Variants in BTAF1 observed in about 807,000 individuals in gnomAD.
BTAF1 encodes B-TFIID TATA-box binding protein associated factor 1, also known as TATA-binding protein-associated factor 172.
BTAF1 carries 38 observed loss-of-function variants against 227.1 expected under a neutral mutation model. The observed-to-expected ratio is 0.17, with a 90% CI of 0.13 to 0.22. The LOEUF is 0.22. Among genes scored for constraint, BTAF1 ranks in the 10% least tolerant of loss-of-function variants. The pLI is 1.00. For missense variants in BTAF1, 1,598 were observed against 2,204.0 expected (o/e 0.73, Z 5.51); for synonymous variants, 742 against 751.9 (o/e 0.99, Z 0.21).
At chr10:92,017,970 G>A (rs965037489) in intron 33 of BTAF1, among the ~76,000 whole-genome samples, 8 of 152,154 alleles carry the variant, frequency 5.3e-5, no homozygotes, top group Admixed American at 2.6e-4. Context: ...ACCATATAAG[G>A]TTCTGTTTCA....
intron 25 of BTAF1, among the ~76,000 whole-genome samples, chr10:92,007,747 A>C (rs1850026182): frequency 6.6e-6 from 1 of 152,384 alleles, no homozygotes; most frequent in East Asian, 1.9e-4. Flanking sequence ...AAGGTCTTAG[A>C]GATCCATAGG....
rs1345316987 is a variant in BTAF1 at position 91,928,716 on chromosome 10, A to T, written c.14+4626A>T. Among the ~76,000 whole-genome samples, 9 of 150,496 alleles carry T rather than the reference A, an allele frequency of 6.0e-5. No individual in the cohort carries two copies. The East Asian group carries it at 9.9e-4, about 16-fold the overall frequency. On this transcript the variant is annotated intron_variant, in intron 1 of 37. Transcript: ENST00000265990. ...ACCAACGGTAAAAGCAACCTTTGCG[A>T]TCGCAGCACTGCACTCCAGCCTGGG...
At chr10:92,013,855 A>T in intron 31 of BTAF1, 44 bp from the exon 32 acceptor site, 2 of 1,612,794 alleles carry the variant, frequency 1.2e-6, no homozygotes, top group African/African-American at 2.7e-5. Flanking sequence ...AATATAATTT[A>T]TTCTTAACTT....
At chr10:91,977,195 T>A (rs1398297696) in intron 14 of BTAF1, among the ~76,000 whole-genome samples, 1 of 152,180 alleles carries the variant, frequency 6.6e-6, no homozygotes, top group Non-Finnish European at 1.5e-5. Context: ...AACCTTCATT[T>A]TCAGGTACAG....
intron 19 of BTAF1, among the ~76,000 whole-genome samples, chr10:91,986,769 C>CTTATTA: frequency 6.6e-6 from 1 of 152,028 alleles, no homozygotes; most frequent in Non-Finnish European, 1.5e-5. Context: ...TTATTCAGAT[C>CTTATTA]TTTTACTCTT....
rs746941577 is a variant in BTAF1 at position 91,982,244 on chromosome 10, T to C, written c.2048+19T>C. On this transcript the variant is annotated intron_variant, in intron 17 of 37. Transcript: ENST00000265990. The stretch of plus-strand genomic sequence containing the variant: ...CAGCCAAGTGAGTGTACATTAAGTG[T>C]CAGGTAGTCATACATTTACAAGTCT... 9 of 1,613,654 alleles carry C rather than the reference T, an allele frequency of 5.6e-6. No homozygotes were observed. Among genetic ancestry groups the C allele is most frequent in the Non-Finnish European group, 7.6e-6 (9 of 1,179,782 alleles).
At chr10:91,977,427 T>A (rs1847774191) in intron 14 of BTAF1, among the ~76,000 whole-genome samples, 1 of 152,200 alleles carries the variant, frequency 6.6e-6, no homozygotes, top group Admixed American at 6.5e-5. Flanking sequence ...ATAGTTCATT[T>A]TCTTTTTAGT....
chr10:92,009,405 A>G (rs181331426), intron 28 of BTAF1, among the ~76,000 whole-genome samples, 197 bp downstream of exon 28: 1 of 152,362 alleles, frequency 6.6e-6, no homozygotes, highest in East Asian at 1.9e-4. Flanking sequence ...TAACCATTGT[A>G]CAATAAGTTG....
At chr10:91,975,601 A>G (rs928366552) in intron 14 of BTAF1, among the ~76,000 whole-genome samples, 1 of 152,248 alleles carries the variant, frequency 6.6e-6, no homozygotes, top group South Asian at 2.1e-4. Flanking sequence ...AGTGTGATTC[A>G]TCACCAACTT....
intron 1 of BTAF1, among the ~76,000 whole-genome samples, chr10:91,927,769 A>G (rs867316565): frequency 3.3e-5 from 5 of 152,226 alleles, no homozygotes; most frequent in African/African-American, 9.6e-5. Context: ...AGCCTGTAAC[A>G]TATACTAATT....
chr10:91,937,326 A>T (rs1184810164), intron 2 of BTAF1, among the ~76,000 whole-genome samples: 1 of 152,096 alleles, frequency 6.6e-6, no homozygotes, highest in African/African-American at 2.4e-5. Flanking sequence ...ATTAAAATAT[A>T]ATTTACATAC....
chr10:92,024,680 A>G (rs903028928), intron 34 of BTAF1, 76 bp from the exon 35 acceptor site: 20 of 1,236,746 alleles, frequency 1.6e-5, no homozygotes, highest in Non-Finnish European at 2.1e-5. Flanking sequence ...CTTGCCACAG[A>G]GAGGAATGTC....
In BTAF1 at chr10:91,940,033, C is replaced by G. The variant is rs775606231; in HGVS notation, c.220C>G (p.Pro74Ala). The G allele has an allele frequency of 8.7e-6, 14 of 1,612,208 alleles. No individual in the cohort carries two copies. The highest frequency in any genetic ancestry group is 5.1e-6 in the Non-Finnish European group (6 of 1,178,842). ...TGTTGAAGCTATAGTGAAAAATGTA[C>G]CTGAGTGGAATCCAGTGCCGAGAAC... ...QAVEAIVKNV[P>A]EWNPVPRTRQ... Residue 74 changes from proline to alanine, a missense_variant, in exon 3 of 38, where the codon CCT becomes GCT. This residue lies in a region of BTAF1 where 298 missense variants were observed against 395.2 expected (regional missense o/e 0.75). Transcript: ENST00000265990.
chr10:91,936,378 A>C (rs1844611342), intron 2 of BTAF1, among the ~76,000 whole-genome samples: 1 of 100,282 alleles, frequency 1.0e-5, no homozygotes, highest in African/African-American at 5.5e-5. Flanking sequence ...GGAGGAGGGG[A>C]GTTGGGGAGG....
chr10:91,994,027 A>C (rs988740017), intron 22 of BTAF1, among the ~76,000 whole-genome samples, 180 bp downstream of exon 22: 1 of 152,196 alleles, frequency 6.6e-6, no homozygotes, highest in Non-Finnish European at 1.5e-5. Context: ...TAAAAGAGAT[A>C]TTTGGGTTGG....
intron 11 of BTAF1, among the ~76,000 whole-genome samples, chr10:91,961,090 G>A (rs1846478185): frequency 6.6e-6 from 1 of 152,098 alleles, no homozygotes; most frequent in South Asian, 2.1e-4. Flanking sequence ...TAGATCTAGT[G>A]ACAGAATTAG....
chr10:92,008,199 A>G lies in BTAF1; in HGVS notation c.3737A>G (p.Gln1246Arg). The G allele has an allele frequency of 2.5e-6, 4 of 1,603,184 alleles. No homozygotes were observed. Among genetic ancestry groups the G allele is most frequent in the South Asian group, 2.3e-5 (2 of 88,370 alleles). Residue 1246 changes from glutamine to arginine, a missense_variant, in exon 26 of 38, where the codon CAA becomes CGA. Around this residue, in one of 10 missense-constraint regions of BTAF1, gnomAD observed 184 missense variants for 341.1 expected, o/e 0.54. Coordinates refer to ENST00000265990, the MANE Select transcript of BTAF1 (RefSeq NM_003972.3). ...GCCAAGGAGCGACACTTTTTGGAGC[A>G]ATTGTTAGATGGGAAAAAATTGGAA... The part of the protein sequence containing the change: ...LKAKERHFLE[Q>R]LLDGKKLENY...
At chr10:91,926,206 A>G (rs962934672) in intron 1 of BTAF1, among the ~76,000 whole-genome samples, 7 of 152,134 alleles carry the variant, frequency 4.6e-5, no homozygotes, top group Admixed American at 3.3e-4. Flanking sequence ...TTTTAATACT[A>G]TTTTACGTAA....
In BTAF1 at chr10:91,937,418, A is replaced by G. The variant is rs191683692; in HGVS notation, c.138+1638A>G. On this transcript the variant is annotated intron_variant, in intron 2 of 37. Coordinates refer to ENST00000265990, the MANE Select transcript of BTAF1 (RefSeq NM_003972.3). The stretch of plus-strand genomic sequence containing the variant: ...CCGTACTCTAATTTTAAAACATTTT[A>G]TCACCACAAAAAGAAACCTCATACC... Among the ~76,000 whole-genome samples the G allele has an allele frequency of 6.2e-4, 94 of 152,300 alleles. No homozygotes were observed. In the Middle Eastern group the frequency reaches 0.01, roughly 17 times the overall value.
Sources: gnomAD v4.1 joint callset for allele counts (sites outside exome capture counted in the v4.1 genomes callset) on GRCh38, gnomAD v4.1.1 for gene constraint, gnomAD v4.1.1 regional missense constraint, MANE v1.5 for transcripts, NCBI Gene and HGNC (gene_info 2026-07-23, HGNC 2026-07-21) for gene names.